Variants in COL15A1 observed in about 807,000 individuals in gnomAD.
The protein encoded by COL15A1 is collagen type XV alpha 1 chain.
In COL15A1, 111 loss-of-function variants were observed where a neutral mutation model predicts 165.9. The ratio of observed to expected loss-of-function variants is 0.67; its 90% CI spans 0.57 to 0.78. COL15A1 has a LOEUF of 0.78. Among genes scored for constraint, COL15A1 ranks in the 30% least tolerant of loss-of-function variants. The pLI, the probability that COL15A1 is intolerant of heterozygous loss-of-function variation, is 0.00. For synonymous variants in COL15A1, 659 were observed against 674.8 expected (o/e 0.98, Z 0.36); for missense variants, 1,745 against 1,789.7 (o/e 0.98, Z 0.45).
At chr9:99,060,776 A>G (rs1406283917) in intron 36 of COL15A1, among the ~76,000 whole-genome samples, 3 of 152,130 alleles carry the variant, frequency 2.0e-5, no homozygotes, top group African/African-American at 4.8e-5. Flanking sequence ...AGTCCCAGCT[A>G]CTTGAGAAGC....
chr9:98,950,594 C>CCCTA (rs1564004802), intron 2 of COL15A1, among the ~76,000 whole-genome samples: 1 of 79,558 alleles, frequency 1.3e-5, no homozygotes, highest in Non-Finnish European at 2.2e-5. Flanking sequence ...CTTCCTTCCT[C>CCCTA]CCTCCCTCCC....
intron 6 of COL15A1, among the ~76,000 whole-genome samples, chr9:98,999,093 A>G (rs532700866): frequency 3.9e-5 from 6 of 152,170 alleles, no homozygotes; most frequent in African/African-American, 1.4e-4. Flanking sequence ...CGTGCTGGCC[A>G]CTCTTCCATC....
chr9:98,999,434 T>C (rs7867960), intron 6 of COL15A1, among the ~76,000 whole-genome samples: 74,128 of 151,806 alleles, frequency 0.49, 19,502 homozygotes, highest in African/African-American at 0.69. Flanking sequence ...GGAGGGTTGC[T>C]GGAGGGAGTG....
At chr9:99,015,244 C>T (rs989066020) in intron 9 of COL15A1, among the ~76,000 whole-genome samples, 173 bp from the exon 10 acceptor site, 1 of 152,110 alleles carries the variant, frequency 6.6e-6, no homozygotes, top group Middle Eastern at 3.4e-3. Flanking sequence ...CTGAAAGGTA[C>T]GTTCTAATGC....
intron 6 of COL15A1, among the ~76,000 whole-genome samples, chr9:99,000,410 C>T (rs1189437833): frequency 6.6e-6 from 1 of 151,560 alleles, no homozygotes; most frequent in African/African-American, 2.4e-5. Context: ...AATAATGATA[C>T]GATATCTATA....
intron 2 of COL15A1, among the ~76,000 whole-genome samples, chr9:98,972,290 C>T (rs1290616435): frequency 6.6e-6 from 1 of 152,070 alleles, no homozygotes; most frequent in East Asian, 1.9e-4. Context: ...GAGTGGGCAT[C>T]AGATTGACGC....
At chr9:99,006,445 C>G (rs1466865161) in intron 9 of COL15A1, among the ~76,000 whole-genome samples, 1 of 152,228 alleles carries the variant, frequency 6.6e-6, no homozygotes, top group Non-Finnish European at 1.5e-5. Flanking sequence ...TGTCATTGCA[C>G]ACACTTGTGC....
chr9:98,960,306 G>A (rs1390005763), intron 2 of COL15A1, among the ~76,000 whole-genome samples: 2 of 152,118 alleles, frequency 1.3e-5, no homozygotes, highest in African/African-American at 2.4e-5. Flanking sequence ...AGCCTGAGGT[G>A]GGAGGATCGC....
At chr9:99,006,490 G>A (rs1029475507) in intron 9 of COL15A1, among the ~76,000 whole-genome samples, 1 of 152,238 alleles carries the variant, frequency 6.6e-6, no homozygotes, top group Non-Finnish European at 1.5e-5. Context: ...GCAGCCTTCA[G>A]CCTTTTAGCA....
At chr9:98,972,840 G>A (rs1398570993) in intron 2 of COL15A1, among the ~76,000 whole-genome samples, 3 of 152,190 alleles carry the variant, frequency 2.0e-5, no homozygotes, top group Non-Finnish European at 4.4e-5. Flanking sequence ...GAACACAGAA[G>A]TATGCAGCTG....
chr9:98,994,851 C>T lies in COL15A1; in HGVS notation c.805-2083C>T, dbSNP rs530692887. Among the ~76,000 whole-genome samples, 45 of 152,230 alleles carry T rather than the reference C, an allele frequency of 3.0e-4. 1 individual carries two copies. The highest frequency in any genetic ancestry group is 2.7e-3 in the Admixed American group (42 of 15,298). Reference sequence around the variant, plus strand: ...CAAAGCCACCTATTTGAGGCAGGTCCCCTTACCCTCACTCCTGAGGGTCAA... The same window carrying T: ...CAAAGCCACCTATTTGAGGCAGGTCTCCTTACCCTCACTCCTGAGGGTCAA... On this transcript the variant is annotated intron_variant, in intron 5 of 41. Coordinates refer to ENST00000375001, the MANE Select transcript of COL15A1 (RefSeq NM_001855.5).
chr9:98,972,557 G>A (rs1365229574), intron 2 of COL15A1, among the ~76,000 whole-genome samples: 1 of 152,234 alleles, frequency 6.6e-6, no homozygotes, highest in Non-Finnish European at 1.5e-5. Context: ...AGAATCAAGT[G>A]TAAGGATGAC....
At chr9:99,040,432 C>T in intron 22 of COL15A1, 89 bp from the exon 23 acceptor site, 1 of 1,604,052 alleles carries the variant, frequency 6.2e-7, no homozygotes, top group Non-Finnish European at 8.5e-7. Context: ...CATGCTGAGG[C>T]CTTTGGAAGG....
chr9:98,951,689 T>G (rs1837690329), intron 2 of COL15A1, among the ~76,000 whole-genome samples: 1 of 152,186 alleles, frequency 6.6e-6, no homozygotes, highest in South Asian at 2.1e-4. Context: ...CTCAGCCTCC[T>G]GAGTAGCTGG....
At chr9:99,034,067 C>T (rs1839254666) in intron 16 of COL15A1, among the ~76,000 whole-genome samples, 2 of 152,184 alleles carry the variant, frequency 1.3e-5, no homozygotes, top group Admixed American at 6.5e-5. Context: ...GGGGACTACT[C>T]CAGCCAGCTT....
rs114563339 is a variant in COL15A1, at chr9:98,975,507, A to T, written c.101-10058A>T. On this transcript the variant is annotated intron_variant, in intron 2 of 41. Coordinates refer to ENST00000375001, the MANE Select transcript of COL15A1 (RefSeq NM_001855.5). ...CTTCATCTCTGGCCAAATCGCTGTC[A>T]TCTGTGTGGAAGGAAAACCTGAACC... Among the ~76,000 whole-genome samples, 1,170 of 152,296 alleles carry T rather than the reference A, an allele frequency of 7.7e-3. 15 individuals carry two copies. Among genetic ancestry groups the T allele is most frequent in the African/African-American group, 0.026 (1,086 of 41,564 alleles).
chr9:98,972,102 C>T (rs1277828387), intron 2 of COL15A1, among the ~76,000 whole-genome samples: 8 of 152,094 alleles, frequency 5.3e-5, no homozygotes, highest in Non-Finnish European at 1.2e-4. Flanking sequence ...CTGTGTTGTC[C>T]GTTCTCACAA....
At chr9:99,044,233 G>A (rs1036332618) in intron 24 of COL15A1, among the ~76,000 whole-genome samples, 1 of 152,116 alleles carries the variant, frequency 6.6e-6, no homozygotes, top group African/African-American at 2.4e-5. Context: ...GATCCTGGAG[G>A]GTTGAGAGTG....
intron 28 of COL15A1, among the ~76,000 whole-genome samples, chr9:99,049,082 T>C (rs1044947606): frequency 4.6e-5 from 7 of 152,174 alleles, no homozygotes; most frequent in Non-Finnish European, 8.8e-5. Context: ...TCAATACACT[T>C]TCTGCATGAA....
Sources: allele counts gnomAD v4.1 joint callset (sites outside exome capture counted in the v4.1 genomes callset), GRCh38; gene constraint gnomAD v4.1.1; transcripts MANE v1.5; gene names NCBI Gene and HGNC (gene_info 2026-07-23, HGNC 2026-07-21).